The following CDH4 variants were observed in gnomAD, a reference collection of about 807,000 sequenced individuals.
The protein encoded by CDH4 is cadherin 4.
In CDH4, 33 loss-of-function variants were observed where a neutral mutation model predicts 86.0. That is an observed-to-expected ratio of 0.38 (90% CI 0.29 to 0.51). The LOEUF (loss-of-function observed/expected upper bound fraction) is 0.51, where lower values mean the gene tolerates loss of function less well. Ranked by LOEUF, CDH4 falls within the 20% of genes least tolerant of loss-of-function variation. The probability of loss-of-function intolerance (pLI) is 0.86; values close to 1 mark genes in which losing one functional copy is unlikely to be tolerated. For missense variants in CDH4, 1,114 were observed against 1,307.4 expected, an observed-to-expected ratio of 0.85 and a Z score of 2.28; for synonymous variants, 555 against 549.4, an observed-to-expected ratio of 1.01 and a Z score of -0.14.
At chr20:61,620,477 A>G (rs369546401) in intron 2 of CDH4, among the ~76,000 whole-genome samples, 2 of 151,956 alleles carry the variant, frequency 1.3e-5, no homozygotes, top group South Asian at 4.2e-4. Flanking sequence ...GGATGGATAG[A>G]TAGATGGATG....
At position 61,717,257 on chromosome 20, in the gene CDH4, A is replaced by G. The variant is rs574900051; in HGVS notation, c.170-26306A>G. Among the ~76,000 whole-genome samples the G allele has an allele frequency of 2.0e-5, 3 of 152,318 alleles. No individual in the cohort carries two copies. In the South Asian group the frequency reaches 6.2e-4, roughly 32 times the overall value. ...AGCGGGAGCAGCCCAGGACAGCCACAGGGCCATGAGCACCATGCCACCGGG... is the reference window on the plus strand; with the variant it reads ...AGCGGGAGCAGCCCAGGACAGCCACGGGGCCATGAGCACCATGCCACCGGG... On this transcript the variant is annotated intron_variant, in intron 2 of 15. Coordinates refer to ENST00000614565, the MANE Select transcript of CDH4 (RefSeq NM_001794.5).
chr20:61,923,845 TC>T, intron 10 of CDH4, 141 bp downstream of exon 10: 1 of 1,057,614 alleles, frequency 9.5e-7, no homozygotes, highest in Non-Finnish European at 1.3e-6. Flanking sequence ...AAGGCGTCCT[TC>T]CAGGAGGGAG....
At chr20:61,909,165 C>G (rs542430974) in intron 8 of CDH4, among the ~76,000 whole-genome samples, 4 of 152,346 alleles carry the variant, frequency 2.6e-5, no homozygotes, top group African/African-American at 9.6e-5. Context: ...CGGGGACACT[C>G]CCGGTGGAAG....
At chr20:61,729,734 G>C (rs1600921898) in intron 2 of CDH4, among the ~76,000 whole-genome samples, 1 of 152,236 alleles carries the variant, frequency 6.6e-6, no homozygotes, top group Non-Finnish European at 1.5e-5. Context: ...GCTTTTCTTA[G>C]ACAGGAAGAA....
At chr20:61,813,797 C>T (rs1980563893) in intron 4 of CDH4, among the ~76,000 whole-genome samples, 1 of 152,168 alleles carries the variant, frequency 6.6e-6, no homozygotes, top group South Asian at 2.1e-4. Flanking sequence ...TGCCAGGGAT[C>T]CCATAGCCTC....
chr20:61,392,395 G>A lies in CDH4; in HGVS notation c.169+137458G>A, dbSNP rs1303440164. ...ATGCATGATCACAGGGCGCCACCGG[G>A]ATGGAACGCACGGCGCCCCGACGTG... On this transcript the variant is annotated intron_variant, in intron 2 of 15. Coordinates refer to ENST00000614565, the MANE Select transcript of CDH4 (RefSeq NM_001794.5). The surrounding 1 kb of genome is among the most constrained non-coding windows in gnomAD (Gnocchi z 5.7). Among the ~76,000 whole-genome samples the A allele has an allele frequency of 6.6e-6, 1 of 152,168 alleles. No homozygotes were observed. The highest frequency in any genetic ancestry group is 1.5e-5 in the Non-Finnish European group (1 of 68,024).
At chr20:61,604,217 G>A (rs1446414330) in intron 2 of CDH4, among the ~76,000 whole-genome samples, 1 of 152,220 alleles carries the variant, frequency 6.6e-6, no homozygotes, top group East Asian at 1.9e-4. Flanking sequence ...GAAGAATCCT[G>A]AGTCAGTGAC....
At chr20:61,353,605 T>TGCCTTCCTCCCCC (rs1568810174) in intron 2 of CDH4, among the ~76,000 whole-genome samples, 1 of 5,170 alleles carries the variant, frequency 1.9e-4, no homozygotes, top group African/African-American at 1.0e-3. Flanking sequence ...TTAATTCCAC[T>TGCCTTCCTCCCCC]TCCTCCTCTT....
chr20:61,914,364 T>G (rs1363632152), intron 9 of CDH4, among the ~76,000 whole-genome samples: 1 of 152,172 alleles, frequency 6.6e-6, no homozygotes, highest in South Asian at 2.1e-4. Flanking sequence ...CGGCCCCCGC[T>G]TTTTTCTCCT....
At chr20:61,763,502 C>G (rs915309236) in intron 3 of CDH4, among the ~76,000 whole-genome samples, 2 of 152,190 alleles carry the variant, frequency 1.3e-5, no homozygotes, top group Non-Finnish European at 2.9e-5. Flanking sequence ...CCAGGGAGCT[C>G]GTCCACCCTG....
In CDH4 at chr20:61,278,730, C is replaced by G. The variant is rs552572000; in HGVS notation, c.169+23793C>G. ...TGGTCCATGCAGGATCTTTTCTCCCCTCGAGAACAAGGAGCTGAGACTTTG... is the reference window on the plus strand; with the variant it reads ...TGGTCCATGCAGGATCTTTTCTCCCGTCGAGAACAAGGAGCTGAGACTTTG... On this transcript the variant is annotated intron_variant, in intron 2 of 15. Coordinates refer to ENST00000614565, the MANE Select transcript of CDH4 (RefSeq NM_001794.5). 2.0e-5 allele frequency among the ~76,000 whole-genome samples: 3 copies of G among 152,356 alleles called. No homozygotes were observed. In the South Asian group the frequency reaches 6.2e-4, roughly 32 times the overall value.
chr20:61,911,912 C>T (rs572043691), intron 9 of CDH4, among the ~76,000 whole-genome samples: 2 of 152,176 alleles, frequency 1.3e-5, no homozygotes, highest in Admixed American at 6.5e-5. Flanking sequence ...AGAGACTTAA[C>T]CACAGAAATT....
chr20:61,282,128 G>A (rs1398421335), intron 2 of CDH4, among the ~76,000 whole-genome samples: 1 of 152,232 alleles, frequency 6.6e-6, no homozygotes, highest in Non-Finnish European at 1.5e-5. Context: ...GGAGGCTGAG[G>A]TGGGTGGATC....
chr20:61,700,169 C>T (rs548253461), intron 2 of CDH4, among the ~76,000 whole-genome samples: 1 of 152,318 alleles, frequency 6.6e-6, no homozygotes, highest in Admixed American at 6.5e-5. Flanking sequence ...TCACTCCAGC[C>T]GTGAGCTCTG....
chr20:61,647,556 T>TCTCTCTCTCTCTCTCTCTCC lies in CDH4; in HGVS notation c.170-96006_170-96005insTCTCTCTCTCTCTCTCTCCC, dbSNP rs1568731977. On this transcript the variant is annotated intron_variant, in intron 2 of 15. Coordinates refer to ENST00000614565, the MANE Select transcript of CDH4 (RefSeq NM_001794.5). ...CTCCCTCTCCCTCTCCCTCTCCCTC[T>TCTCTCTCTCTCTCTCTCTCC]CCCTCTCCCTCTCCCTCCCTCCCCC... 3.2e-3 allele frequency among the ~76,000 whole-genome samples: 337 copies of TCTCTCTCTCTCTCTCTCTCC among 105,832 alleles called. 27 individuals are homozygous for TCTCTCTCTCTCTCTCTCTCC. The highest frequency in any genetic ancestry group is 0.011 in the African/African-American group (312 of 28,694). 69.4% of individuals were successfully genotyped at this position (105,832 alleles called of 152,430 possible).
At position 61,810,327 on chromosome 20, in the gene CDH4, C is replaced by G. The variant is rs1314664188; in HGVS notation, c.577-34341C>G. ...GGCTGTGCCAGGCTGTCGTCCCCCC[C>G]ATGAGCCTGCTGTGTGTGTCTGTGA... On this transcript the variant is annotated intron_variant, in intron 4 of 15. Transcript: ENST00000614565. This position sits in a 1 kb window ranked among gnomAD's most constrained non-coding sequence, Gnocchi z 4.3. Among the ~76,000 whole-genome samples the G allele has an allele frequency of 6.6e-6, 1 of 152,240 alleles. No individual in the cohort carries two copies. The highest frequency in any genetic ancestry group is 1.9e-4 in the East Asian group (1 of 5,194).
intron 2 of CDH4, among the ~76,000 whole-genome samples, chr20:61,458,894 TG>T (rs1457475078): frequency 2.6e-5 from 4 of 151,864 alleles, no homozygotes; most frequent in African/African-American, 9.7e-5. Flanking sequence ...ACACACCTCA[TG>T]GCTCTCAGCT....
intron 2 of CDH4, among the ~76,000 whole-genome samples, chr20:61,455,684 T>C (rs561490961): frequency 6.6e-6 from 1 of 152,268 alleles, no homozygotes; most frequent in South Asian, 2.1e-4. Context: ...AAGAAGCTAA[T>C]GGCATCCCTA....
At chr20:61,434,799 G>A (rs1315245967) in intron 2 of CDH4, 3 of 152,066 alleles carry the variant, frequency 2.0e-5, no homozygotes, top group African/African-American at 2.4e-5. Flanking sequence ...TAACCCCTGC[G>A]CTGGCAACTT....
Sources: gnomAD v4.1 joint callset for allele counts (sites outside exome capture counted in the v4.1 genomes callset) on GRCh38, gnomAD v4.1.1 for gene constraint, Gnocchi (gnomAD v3.1) non-coding constraint, MANE v1.5 for transcripts, NCBI Gene and HGNC (gene_info 2026-07-23, HGNC 2026-07-21) for gene names.